The following MGA variants were observed in gnomAD, a reference collection of about 807,000 sequenced individuals.
MGA encodes the protein MAX gene-associated protein.
MGA carries 40 observed loss-of-function variants against 261.1 expected under a neutral mutation model. That is an observed-to-expected ratio of 0.15 (90% CI 0.12 to 0.20). MGA has a LOEUF of 0.20. MGA is among the 10% of genes least tolerant of loss of function. The pLI is 1.00. For missense variants in MGA, 3,397 were observed against 3,630.5 expected, an observed-to-expected ratio of 0.94 and a Z score of 1.65; for synonymous variants, 1,302 against 1,290.6, an observed-to-expected ratio of 1.01 and a Z score of -0.19.
chr15:41,761,858 A>G lies in MGA; in HGVS notation c.7510+8A>G, dbSNP rs1456984270. 6.6e-7 allele frequency: 1 copy of G among 1,511,540 alleles called. No homozygotes were observed. The highest frequency in any genetic ancestry group is 1.9e-5 in the Admixed American group (1 of 51,836). The allele number at this position is 1,511,540 out of a possible 1,614,324, so 93.6% of individuals were successfully genotyped here. A position where few individuals can be genotyped will look rare whatever the true frequency, so the allele number is the denominator to read the frequency against. On this transcript the variant is annotated splice_region_variant and intron_variant, in intron 21 of 23. Transcript: ENST00000219905. ...AAGTATCGTCTCTTTCAGGTGAGATAAGTAAATAATCTCTGGTAAAGAGCA... is the reference window on the plus strand; with the variant it reads ...AAGTATCGTCTCTTTCAGGTGAGATGAGTAAATAATCTCTGGTAAAGAGCA...
intron 1 of MGA, among the ~76,000 whole-genome samples, chr15:41,629,705 C>T (rs1014912507): frequency 2.0e-5 from 3 of 151,710 alleles, no homozygotes; most frequent in East Asian, 1.9e-4. Context: ...CTCCAGCCTG[C>T]GCGACAAATG....
intron 21 of MGA, 24 bp downstream of exon 21, chr15:41,761,874 G>T (rs1384722917): frequency 7.0e-7 from 1 of 1,436,496 alleles, no homozygotes; most frequent in Non-Finnish European, 9.6e-7. Context: ...ATAATCTCTG[G>T]TAAAGAGCAT....
intron 19 of MGA, 74 bp from the exon 20 acceptor site, chr15:41,760,249 C>T (rs2063377460): frequency 7.2e-7 from 1 of 1,386,814 alleles, no homozygotes; most frequent in Admixed American, 1.7e-5. Context: ...TGAAATAGGG[C>T]AGTGTCATTT....
At position 41,740,181 on chromosome 15, in the gene MGA, T is replaced by A; in HGVS notation, c.4563T>A (p.Phe1521Leu). 1 of 1,613,970 alleles carries A rather than the reference T, an allele frequency of 6.2e-7. No individual in the cohort carries two copies. The highest frequency in any genetic ancestry group is 8.5e-7 in the Non-Finnish European group (1 of 1,179,828). ...GCCCTGGGAAGAATCTGAAGGCGTT[T>A]GTCCCAGCAAAACGGCCAATTGGTA... The change falls in exon 14 of 24, where the codon TTT becomes TTA. Residue 1521 changes from phenylalanine (F) to leucine (L), a missense_variant. This residue lies in a region of MGA where 1,410 missense variants were observed against 1,386.4 expected (regional missense o/e 1.02). Transcript: ENST00000219905.
At chr15:41,642,527 A>G (rs1955053862) in intron 1 of MGA, among the ~76,000 whole-genome samples, 1 of 151,898 alleles carries the variant, frequency 6.6e-6, no homozygotes, top group Admixed American at 6.6e-5. Flanking sequence ...CTCTGTTGCC[A>G]GGATGGAGTG....
chr15:41,646,871 A>G (rs2056945231), intron 1 of MGA, among the ~76,000 whole-genome samples: 1 of 152,156 alleles, frequency 6.6e-6, no homozygotes, highest in African/African-American at 2.4e-5. Flanking sequence ...TACACTGGTT[A>G]GCAATGTAGT....
In MGA at chr15:41,742,671, A is replaced by C. The variant is rs2062185459; in HGVS notation, c.4711A>C (p.Arg1571=). The change falls in exon 15 of 24, where the codon AGA becomes CGA. Residue 1571 remains arginine, a synonymous_variant. Transcript: ENST00000219905. ...GGCAGGGACACAGAAGTTCAGTATCAGACCTTCTCCAGTAATGGTCGTCAC... is the reference window on the plus strand; with the variant it reads ...GGCAGGGACACAGAAGTTCAGTATCCGACCTTCTCCAGTAATGGTCGTCAC... 2.5e-6 allele frequency: 4 copies of C among 1,613,986 alleles called. No homozygotes were observed. The highest frequency in any genetic ancestry group is 3.4e-6 in the Non-Finnish European group (4 of 1,179,880).
At chr15:41,675,227 A>T (rs1457560772) in intron 2 of MGA, among the ~76,000 whole-genome samples, 1 of 152,254 alleles carries the variant, frequency 6.6e-6, no homozygotes, top group Non-Finnish European at 1.5e-5. Context: ...TTCCAAAAGG[A>T]TCATACCAGC....
At chr15:41,657,063 A>G (rs1275649838), upstream of MGA, among the ~76,000 whole-genome samples, 5 of 152,194 alleles carry the variant, frequency 3.3e-5, no homozygotes, top group Non-Finnish European at 5.9e-5. Flanking sequence ...TACAGGCGTG[A>G]ACCACTGCGC....
At chr15:41,705,867 G>T (rs1243520668) in intron 5 of MGA, among the ~76,000 whole-genome samples, 1 of 152,134 alleles carries the variant, frequency 6.6e-6, no homozygotes, top group Admixed American at 6.5e-5. Flanking sequence ...TATATTTCCC[G>T]TAGTTGATTG....
At chr15:41,717,477 G>GT (rs2060702989) in intron 9 of MGA, among the ~76,000 whole-genome samples, 1 of 152,108 alleles carries the variant, frequency 6.6e-6, no homozygotes, top group Non-Finnish European at 1.5e-5. Flanking sequence ...TTGAAAGGAT[G>GT]ATATGGCAAT....
intron 2 of MGA, among the ~76,000 whole-genome samples, chr15:41,675,658 T>A (rs1021893275): frequency 6.6e-6 from 1 of 152,166 alleles, no homozygotes; most frequent in Admixed American, 6.5e-5. Context: ...ATTACGGGAG[T>A]GAGCCACTGT....
intron 1 of MGA, among the ~76,000 whole-genome samples, chr15:41,621,827 G>C (rs919491643): frequency 5.9e-5 from 9 of 152,214 alleles, no homozygotes; most frequent in African/African-American, 1.9e-4. Flanking sequence ...AGGTTCGACC[G>C]GGCCCTGACG....
In MGA at chr15:41,742,603, C is replaced by T. The variant is rs1595936153; in HGVS notation, c.4643C>T (p.Ala1548Val). 1 of 1,613,880 alleles carries T rather than the reference C, an allele frequency of 6.2e-7. No individual in the cohort carries two copies. Among genetic ancestry groups the T allele is most frequent in the Non-Finnish European group, 8.5e-7 (1 of 1,179,862 alleles). ...CAGTTTGTGATGAGTAAAGTTGGAG[C>T]CTTGCAGCAGAAGATACCTGGAGTT... is the stretch of plus-strand genomic sequence containing the variant. The change falls in exon 15 of 24, where the codon GCC (alanine) becomes GTC (valine). Residue 1548 changes from alanine (A) to valine (V), a missense_variant. By Grantham distance (64) the Ala-to-Val change is moderately conservative (BLOSUM62 0). Coordinates refer to ENST00000219905, the MANE Select transcript of MGA (RefSeq NM_001164273.2).
intron 22 of MGA, among the ~76,000 whole-genome samples, chr15:41,763,877 G>A (rs1230173994): frequency 6.6e-6 from 1 of 152,174 alleles, no homozygotes; most frequent in Admixed American, 6.5e-5. Flanking sequence ...GGTATATCTG[G>A]CTGGGCGCAG....
intron 15 of MGA, among the ~76,000 whole-genome samples, chr15:41,743,663 C>G (rs1195205438): frequency 6.6e-6 from 1 of 152,024 alleles, no homozygotes; most frequent in Non-Finnish European, 1.5e-5. Context: ...TGCAGATGTT[C>G]CTTTTGTGGG....
At position 41,711,224 on chromosome 15, in the gene MGA, G is replaced by T; in HGVS notation, c.2959G>T (p.Gly987Cys). 1.2e-6 allele frequency: 2 copies of T among 1,613,996 alleles called. No individual in the cohort carries two copies. The highest frequency in any genetic ancestry group is 1.7e-6 in the Non-Finnish European group (2 of 1,179,894). ...ACAGCAACAGGGAAGTCGCCCTCCA[G>T]GCTTGTCTAAATCTCAGGTGAAGCT... is the stretch of plus-strand genomic sequence containing the variant. Residue 987 changes from glycine to cysteine, a missense_variant, in exon 8 of 24, where the codon GGC (glycine) becomes TGC (cysteine). Physicochemically the swap from Gly to Cys is radical, Grantham distance 159. Transcript: ENST00000219905.
chr15:41,745,824 T>G (rs910143746), intron 15 of MGA, among the ~76,000 whole-genome samples: 3 of 152,166 alleles, frequency 2.0e-5, no homozygotes, highest in Non-Finnish European at 4.4e-5. Flanking sequence ...CAGGCTGGTC[T>G]TGAACTCCTG....
At chr15:41,651,916 C>T (rs1210550618) in intron 1 of MGA, among the ~76,000 whole-genome samples, 1 of 97,804 alleles carries the variant, frequency 1.0e-5, no homozygotes, top group Admixed American at 1.1e-4. Context: ...TTCCCTTCTC[C>T]ACTCCTTCCT....
Sources: gnomAD v4.1 joint callset for allele counts (sites outside exome capture counted in the v4.1 genomes callset) on GRCh38, gnomAD v4.1.1 for gene constraint, gnomAD v4.1.1 regional missense constraint, MANE v1.5 for transcripts, NCBI Gene and HGNC (gene_info 2026-07-23, HGNC 2026-07-21) for gene names.